The following NAA15 variants were observed in gnomAD, a reference collection of about 807,000 sequenced individuals.
NAA15 encodes N-alpha-acetyltransferase 15, NatA auxiliary subunit.
A neutral mutation model predicts 114.0 loss-of-function variants in NAA15; 34 were observed. The observed-to-expected ratio is 0.30, with a 90% CI of 0.23 to 0.40. The LOEUF is 0.40. Among genes scored for constraint, NAA15 ranks in the 10% least tolerant of loss-of-function variants. NAA15 has a pLI of 1.00. For synonymous variants in NAA15, 340 were observed against 338.0 expected (o/e 1.01, Z -0.06); for missense variants, 658 against 1,004.5 (o/e 0.66, Z 4.66).
intron 1 of NAA15, among the ~76,000 whole-genome samples, chr4:139,315,066 T>TTTAGTTTAGGTTAGGTTAGG (rs1746362543): frequency 1.1e-5 from 1 of 94,144 alleles, no homozygotes; most frequent in African/African-American, 4.2e-5. Context: ...TTTAGTTTAG[T>TTTAGTTTAGGTTAGGTTAGG]TTAGTTTAGT....
At chr4:139,343,504 C>T (rs1747481633) in intron 5 of NAA15, among the ~76,000 whole-genome samples, 1 of 151,470 alleles carries the variant, frequency 6.6e-6, no homozygotes, top group South Asian at 2.1e-4. Context: ...GTTTTGAAAA[C>T]TTCCTTTGTA....
At chr4:139,368,508 A>G (rs1474829216) in intron 14 of NAA15, among the ~76,000 whole-genome samples, 2 of 152,242 alleles carry the variant, frequency 1.3e-5, no homozygotes, top group Admixed American at 1.3e-4. Context: ...TCTCATGGCC[A>G]GAGGCATCAG....
chr4:139,324,306 T>C, intron 1 of NAA15, among the ~76,000 whole-genome samples: 1 of 152,248 alleles, frequency 6.6e-6, no homozygotes, highest in East Asian at 1.9e-4. Flanking sequence ...TTGAAAGTAT[T>C]ATGTTAGATT....
chr4:139,343,118 A>G (rs1469197254), intron 5 of NAA15, among the ~76,000 whole-genome samples, 158 bp downstream of exon 5: 1 of 152,196 alleles, frequency 6.6e-6, no homozygotes, highest in African/African-American at 2.4e-5. Flanking sequence ...CATTCATACT[A>G]AACTAATTGT....
At position 139,386,168 on chromosome 4, in the gene NAA15, C is replaced by A; in HGVS notation, c.2338C>A (p.Gln780Lys). 6.2e-7 allele frequency: 1 copy of A among 1,610,250 alleles called. No homozygotes were observed. Among genetic ancestry groups the A allele is most frequent in the South Asian group, 1.1e-5 (1 of 90,480 alleles). The change falls in exon 19 of 20, where the codon CAG (glutamine) becomes AAG (lysine). Residue 780 changes from glutamine (Q) to lysine (K), a missense_variant. Physicochemically the swap from Gln to Lys is moderately conservative, Grantham distance 53. Coordinates refer to ENST00000296543, the MANE Select transcript of NAA15 (RefSeq NM_057175.5). ...GGTATATTACTTAGATCCTTCTAGT[C>A]AGAAGCGAGCTATAGAGTTGGCAAC... ...KMVYYLDPSS[Q>K]KRAIELATTL...
chr4:139,357,974 CTCTTT>C (rs1285635106), intron 11 of NAA15, among the ~76,000 whole-genome samples: 3 of 152,036 alleles, frequency 2.0e-5, no homozygotes, highest in Non-Finnish European at 2.9e-5. Context: ...TACAGGTTAT[CTCTTT>C]TGACTTCTCA....
intron 14 of NAA15, among the ~76,000 whole-genome samples, chr4:139,366,608 T>G (rs1219442123): frequency 3.3e-5 from 5 of 151,098 alleles, no homozygotes; most frequent in African/African-American, 7.3e-5. Context: ...TTTGGGTTTT[T>G]TTTTTTTTTT....
At chr4:139,374,049 CTA>C (rs1013837630) in intron 15 of NAA15, among the ~76,000 whole-genome samples, 1 of 152,050 alleles carries the variant, frequency 6.6e-6, no homozygotes, top group Non-Finnish European at 1.5e-5. Flanking sequence ...CTTCCAAAGG[CTA>C]TGATTCCTTA....
At position 139,388,771 on chromosome 4, in the gene NAA15, C is replaced by G. The variant is rs1014432330; in HGVS notation, c.*687C>G. On this transcript the variant is annotated 3_prime_UTR_variant, in exon 20 of 20. Coordinates refer to ENST00000296543, the MANE Select transcript of NAA15 (RefSeq NM_057175.5). ...TTTTAACTGAAGGAACCAGTTGTAA[C>G]AGTCTCAATTTTAACTAAAACTTGA... is the stretch of plus-strand genomic sequence containing the variant. The G allele has an allele frequency of 6.6e-6, 1 of 152,600 alleles. No homozygotes were observed. Among genetic ancestry groups the G allele is most frequent in the Non-Finnish European group, 1.5e-5 (1 of 68,042 alleles). The allele number at this position is 152,600 out of a possible 1,614,324, so 9.5% of individuals were successfully genotyped here.
chr4:139,344,976 AAAG>A (rs1272489133), intron 6 of NAA15, among the ~76,000 whole-genome samples: 10 of 152,252 alleles, frequency 6.6e-5, no homozygotes, highest in African/African-American at 2.4e-4. Flanking sequence ...ATAGAAAATA[AAAG>A]AAGAATAACA....
At chr4:139,360,864 G>T (rs185057003) in intron 13 of NAA15, among the ~76,000 whole-genome samples, 1 of 152,072 alleles carries the variant, frequency 6.6e-6, no homozygotes, top group African/African-American at 2.4e-5. Flanking sequence ...TTGTATCTTG[G>T]CTATGTTTTT....
chr4:139,314,075 A>G lies in NAA15; in HGVS notation c.54+12244A>G, dbSNP rs538660971. ...GTTAAATGGTTAACAAATACATAAT[A>G]CTATGATGTAAATATTGCACTTTAC... is the stretch of plus-strand genomic sequence containing the variant. On this transcript the variant is annotated intron_variant, in intron 1 of 19. Transcript: ENST00000296543. Among the ~76,000 whole-genome samples the G allele has an allele frequency of 2.0e-5, 3 of 152,154 alleles. No individual in the cohort carries two copies. In the East Asian group the frequency reaches 5.8e-4, roughly 29 times the overall value.
chr4:139,349,396 A>G, intron 6 of NAA15, 66 bp from the exon 7 acceptor site: 1 of 1,384,804 alleles, frequency 7.2e-7, no homozygotes, highest in Non-Finnish European at 9.7e-7. Context: ...TTTGAGGAAA[A>G]GTTAAAATTC....
intron 1 of NAA15, 152 bp from the exon 2 acceptor site, chr4:139,334,022 C>A (rs1747117306): frequency 7.5e-6 from 4 of 534,348 alleles, no homozygotes; most frequent in Non-Finnish European, 9.9e-6. Flanking sequence ...TGTATTTGAA[C>A]CTTTTGTATT....
intron 1 of NAA15, among the ~76,000 whole-genome samples, chr4:139,330,836 GGGTATATAGTT>G (rs1447347481): frequency 2.8e-4 from 43 of 152,242 alleles, no homozygotes; most frequent in African/African-American, 9.1e-4. Context: ...TGGAGATGAT[GGGTATATAGTT>G]GGTTGTAAAG....
chr4:139,326,972 C>G (rs1301571038), intron 1 of NAA15, among the ~76,000 whole-genome samples: 2 of 152,062 alleles, frequency 1.3e-5, no homozygotes, highest in Non-Finnish European at 2.9e-5. Flanking sequence ...CTCTCTGTGT[C>G]TTGCCCAGGC....
chr4:139,340,797 C>A, intron 3 of NAA15, 115 bp from the exon 4 acceptor site: 1 of 735,890 alleles, frequency 1.4e-6, no homozygotes, highest in East Asian at 2.9e-5. Flanking sequence ...CTCCCCTTCC[C>A]CTTCTTTTTA....
In NAA15 at chr4:139,357,587, G is replaced by A. The variant is rs543180330; in HGVS notation, c.1257+32G>A. The A allele has an allele frequency of 4.4e-5, 60 of 1,371,642 alleles. No individual in the cohort carries two copies. In the South Asian group the frequency reaches 6.7e-4, roughly 15 times the overall value. The allele number at this position is 1,371,642 out of a possible 1,614,324, so 85.0% of individuals were successfully genotyped here. On this transcript the variant is annotated intron_variant, in intron 11 of 19. Coordinates refer to ENST00000296543, the MANE Select transcript of NAA15 (RefSeq NM_057175.5). ...ATCTTTTTTTCTATTTTCTTATAAGGTAATGAGACTTGTCATGAACTTTTT... is the reference window on the plus strand; with the variant it reads ...ATCTTTTTTTCTATTTTCTTATAAGATAATGAGACTTGTCATGAACTTTTT...
rs1748996211 is a variant in NAA15 at position 139,389,580 on chromosome 4, TTTTGA to T, written c.*1501_*1505del. 1 of 152,614 alleles carries T rather than the reference TTTTGA, an allele frequency of 6.6e-6. No homozygotes were observed. The highest frequency in any genetic ancestry group is 1.5e-5 in the Non-Finnish European group (1 of 68,022). The allele number at this position is 152,614 out of a possible 1,614,324, so 9.5% of individuals were successfully genotyped here. A position where few individuals can be genotyped will look rare whatever the true frequency, so the allele number is the denominator to read the frequency against. On this transcript the variant is annotated 3_prime_UTR_variant, in exon 20 of 20. Transcript: ENST00000296543. ...AATTTAAAAGGAAAACTAAAAACTA[TTTTGA>T]TTTGGGAAAATGAGCCTTAATTTGT...
Sources: gnomAD v4.1 joint callset for allele counts (sites outside exome capture counted in the v4.1 genomes callset) on GRCh38, gnomAD v4.1.1 for gene constraint, MANE v1.5 for transcripts, NCBI Gene and HGNC (gene_info 2026-07-23, HGNC 2026-07-21) for gene names.